Variants in PDE1C observed in about 807,000 individuals in gnomAD.
PDE1C encodes the protein phosphodiesterase 1C.
In PDE1C, 62 loss-of-function variants were observed where a neutral mutation model predicts 93.1. The observed-to-expected ratio is 0.67, with a 90% CI of 0.54 to 0.82. PDE1C has a LOEUF of 0.82. Among genes scored for constraint, PDE1C ranks in the 40% least tolerant of loss-of-function variants. PDE1C has a pLI of 0.00. For synonymous variants in PDE1C, 325 were observed against 310.1 expected, an observed-to-expected ratio of 1.05 and a Z score of -0.50; for missense variants, 742 against 884.6, an observed-to-expected ratio of 0.84 and a Z score of 2.04.
chr7:32,013,149 G>A (rs563875549), intron 2 of PDE1C, among the ~76,000 whole-genome samples: 20 of 152,234 alleles, frequency 1.3e-4, no homozygotes, highest in Non-Finnish European at 7.4e-5. Context: ...CACGAGCTCT[G>A]ATAAGGTAAA....
chr7:32,116,440 C>T (rs1461161518), intron 3 of PDE1C, among the ~76,000 whole-genome samples: 8 of 152,088 alleles, frequency 5.3e-5, no homozygotes, highest in Non-Finnish European at 1.2e-4. Context: ...AAAGCTGACA[C>T]ATCATAATAA....
At chr7:32,229,748 G>T (rs936851691) in intron 1 of PDE1C, among the ~76,000 whole-genome samples, 1 of 152,218 alleles carries the variant, frequency 6.6e-6, no homozygotes, top group Non-Finnish European at 1.5e-5. Flanking sequence ...ACAGCTGGAG[G>T]TGGCACAGCT....
chr7:31,656,032 A>C, the PDE1C span: 7 of 983,948 alleles, frequency 7.1e-6, no homozygotes, highest in South Asian at 2.8e-4. Context: ...GAAGTATCTC[A>C]CCAGTAAGTC....
chr7:31,759,404 C>T (rs1794687923), intron 17 of PDE1C, among the ~76,000 whole-genome samples: 1 of 152,176 alleles, frequency 6.6e-6, no homozygotes, highest in African/African-American at 2.4e-5. Context: ...ACCAGTCGTA[C>T]AATCCCCGAC....
intron 1 of PDE1C, among the ~76,000 whole-genome samples, chr7:32,245,613 G>C (rs919344495): frequency 6.6e-6 from 1 of 152,098 alleles, no homozygotes; most frequent in African/African-American, 2.4e-5. Context: ...TTCTCTCCCA[G>C]GTGTATCAGC....
chr7:31,647,673 C>CAA, the PDE1C span, among the ~76,000 whole-genome samples: 217 of 69,190 alleles, frequency 3.1e-3, no homozygotes, highest in Middle Eastern at 0.01. Flanking sequence ...GTCTCCGTCT[C>CAA]AAAAAAAAAA....
At chr7:32,127,420 C>A (rs1433563258) in intron 3 of PDE1C, among the ~76,000 whole-genome samples, 1 of 151,972 alleles carries the variant, frequency 6.6e-6, no homozygotes, top group East Asian at 1.9e-4. Flanking sequence ...TGAAAGAGTA[C>A]TTTACTATAA....
intron 2 of PDE1C, among the ~76,000 whole-genome samples, chr7:31,971,601 G>A (rs976447421): frequency 2.0e-5 from 3 of 152,168 alleles, no homozygotes; most frequent in Non-Finnish European, 2.9e-5. Context: ...GGGTCATCCT[G>A]CCACCTGCCC....
At chr7:32,276,031 C>T (rs1811261245) in intron 1 of PDE1C, among the ~76,000 whole-genome samples, 1 of 152,140 alleles carries the variant, frequency 6.6e-6, no homozygotes, top group Non-Finnish European at 1.5e-5. Flanking sequence ...TATGAAAATG[C>T]AAACATATTT....
chr7:31,704,844 T>C, the PDE1C span, among the ~76,000 whole-genome samples: 1 of 152,140 alleles, frequency 6.6e-6, no homozygotes, highest in Non-Finnish European at 1.5e-5. Context: ...GCACCTCTGC[T>C]TCCCCTGAAA....
At chr7:32,391,016 G>A (rs112183571) in intron 1 of PDE1C, among the ~76,000 whole-genome samples, 14 of 151,720 alleles carry the variant, frequency 9.2e-5, no homozygotes, top group African/African-American at 3.4e-4. Context: ...AGCAAAAATG[G>A]CAGACACAAA....
intron 1 of PDE1C, among the ~76,000 whole-genome samples, chr7:32,066,725 AACAAAAAAGTAATTCAGAGGGAC>A (rs574115081): frequency 0.077 from 11,777 of 152,048 alleles, 492 homozygotes; most frequent in African/African-American, 0.11. Flanking sequence ...AAGATTCTGT[AACAAAAAAGTAATTCAGAGGGAC>A]ACAAAAAAGT....
intron 3 of PDE1C, among the ~76,000 whole-genome samples, chr7:32,146,971 T>C (rs1487540662): frequency 2.6e-5 from 4 of 152,104 alleles, no homozygotes; most frequent in African/African-American, 9.7e-5. Context: ...TCCATTTTAA[T>C]TGATCTGGCA....
chr7:31,671,266 C>T, the PDE1C span, among the ~76,000 whole-genome samples: 6,971 of 152,164 alleles, frequency 0.046, 516 homozygotes, highest in African/African-American at 0.16. Context: ...CAGGCACCTC[C>T]GTAGATTCTG....
chr7:31,688,388 G>A, the PDE1C span, among the ~76,000 whole-genome samples: 1,009 of 152,250 alleles, frequency 6.6e-3, 13 homozygotes, highest in African/African-American at 0.019. Context: ...AATTTAAACC[G>A]CATATTCTCA....
chr7:32,344,851 G>C (rs1016816641), intron 1 of PDE1C, among the ~76,000 whole-genome samples: 2 of 152,094 alleles, frequency 1.3e-5, no homozygotes, highest in African/African-American at 4.8e-5. Context: ...ACAGTGCCTG[G>C]TACATAATAG....
chr7:32,035,167 T>A (rs1277089463), intron 2 of PDE1C, among the ~76,000 whole-genome samples: 2 of 151,698 alleles, frequency 1.3e-5, no homozygotes, highest in African/African-American at 4.8e-5. Context: ...GACCATAAAC[T>A]ACAAATGACA....
intron 1 of PDE1C, among the ~76,000 whole-genome samples, chr7:32,318,822 C>A (rs1397370238): frequency 6.6e-6 from 1 of 152,172 alleles, no homozygotes; most frequent in East Asian, 1.9e-4. Flanking sequence ...AAGACCTCTA[C>A]GGGAAGGGCG....
At chr7:31,838,446 C>T (rs1056812659) in intron 9 of PDE1C, among the ~76,000 whole-genome samples, 1 of 152,118 alleles carries the variant, frequency 6.6e-6, no homozygotes, top group Non-Finnish European at 1.5e-5. Context: ...TACCTCACTT[C>T]CAGCACAGTT....
Sources: gnomAD v4.1 joint callset for allele counts (sites outside exome capture counted in the v4.1 genomes callset) on GRCh38, gnomAD v4.1.1 for gene constraint, MANE v1.5 for transcripts, NCBI Gene and HGNC (gene_info 2026-07-23, HGNC 2026-07-21) for gene names.